The following DIAPH3 variants were observed in gnomAD, a reference collection of about 807,000 sequenced individuals.
The protein encoded by DIAPH3 is diaphanous related formin 3.
A neutral mutation model predicts 144.3 loss-of-function variants in DIAPH3; 117 were observed. The observed-to-expected ratio is 0.81, with a 90% CI of 0.70 to 0.95. The LOEUF is 0.95. DIAPH3 is among the 40% of genes least tolerant of loss of function. The pLI, the probability that DIAPH3 is intolerant of heterozygous loss-of-function variation, is 0.00. For missense variants in DIAPH3, 1,421 were observed against 1,412.7 expected (o/e 1.01, Z -0.09); for synonymous variants, 519 against 488.9 (o/e 1.06, Z -0.81).
intron 24 of DIAPH3, among the ~76,000 whole-genome samples, chr13:59,828,874 T>C (rs1376014995): frequency 1.3e-5 from 2 of 151,780 alleles, no homozygotes; most frequent in Non-Finnish European, 2.9e-5. Flanking sequence ...AGTCGATTGT[T>C]TAAAAAAAAA....
intron 27 of DIAPH3, among the ~76,000 whole-genome samples, chr13:59,754,787 T>A (rs1482412345): frequency 6.6e-6 from 1 of 152,164 alleles, no homozygotes; most frequent in East Asian, 1.9e-4. Context: ...CTACTATCAA[T>A]TTCTCATTTG....
intron 25 of DIAPH3, among the ~76,000 whole-genome samples, chr13:59,809,258 T>C (rs1237325965): frequency 6.6e-6 from 1 of 152,114 alleles, no homozygotes; most frequent in Non-Finnish European, 1.5e-5. Context: ...TCCCAGCACT[T>C]TGGGAGGCTG....
chr13:59,700,104 C>G (rs1167679541), intron 27 of DIAPH3, among the ~76,000 whole-genome samples: 1 of 152,204 alleles, frequency 6.6e-6, no homozygotes, highest in Non-Finnish European at 1.5e-5. Flanking sequence ...ACTTGCTTCT[C>G]TTTACATTCC....
chr13:59,898,134 CAAAAAA>C (rs34238599), intron 20 of DIAPH3, among the ~76,000 whole-genome samples: 1 of 72,196 alleles, frequency 1.4e-5, no homozygotes, highest in Non-Finnish European at 2.4e-5. Flanking sequence ...GACTCTGCCT[CAAAAAA>C]AAAAAAAAAA....
At chr13:59,874,533 C>T (rs756921949) in intron 21 of DIAPH3, among the ~76,000 whole-genome samples, 2 of 152,046 alleles carry the variant, frequency 1.3e-5, no homozygotes, top group South Asian at 2.1e-4. Flanking sequence ...ACCCCCTCAC[C>T]GTCTTAGCAC....
intron 17 of DIAPH3, among the ~76,000 whole-genome samples, chr13:59,932,807 C>A (rs531072084): frequency 6.6e-6 from 1 of 152,196 alleles, no homozygotes; most frequent in East Asian, 1.9e-4. Flanking sequence ...TACAAAGAAG[C>A]AGAACTGCCT....
At chr13:59,688,874 T>C (rs544805040) in intron 27 of DIAPH3, among the ~76,000 whole-genome samples, 1 of 152,168 alleles carries the variant, frequency 6.6e-6, no homozygotes, top group Non-Finnish European at 1.5e-5. Context: ...GATGAATATA[T>C]GAAGACAATG....
chr13:60,124,520 A>G (rs2058934631), intron 2 of DIAPH3, among the ~76,000 whole-genome samples: 2 of 152,190 alleles, frequency 1.3e-5, no homozygotes, highest in African/African-American at 4.8e-5. Flanking sequence ...CTTAGAAAAC[A>G]TCTTAGATAT....
intron 4 of DIAPH3, among the ~76,000 whole-genome samples, chr13:60,073,203 G>A (rs2057272942): frequency 6.6e-6 from 1 of 152,012 alleles, no homozygotes; most frequent in African/African-American, 2.4e-5. Flanking sequence ...CAGCTACTCA[G>A]GAGGCCGAGG....
chr13:60,007,522 C>T (rs1158315577), intron 9 of DIAPH3, among the ~76,000 whole-genome samples: 2 of 152,004 alleles, frequency 1.3e-5, no homozygotes, highest in Non-Finnish European at 2.9e-5. Flanking sequence ...AAGAGATTTA[C>T]TTCATATCTA....
intron 1 of DIAPH3, among the ~76,000 whole-genome samples, chr13:60,162,073 G>A (rs565440083): frequency 9.1e-4 from 139 of 152,166 alleles, no homozygotes; most frequent in East Asian, 3.1e-3. Context: ...TTTTAGATGT[G>A]TTTTTTACCT....
intron 4 of DIAPH3, among the ~76,000 whole-genome samples, chr13:60,052,629 C>T (rs1000678634): frequency 5.3e-5 from 8 of 152,092 alleles, no homozygotes; most frequent in Non-Finnish European, 1.2e-4. Flanking sequence ...ATCACTGTAA[C>T]ACCAATTCTT....
At chr13:59,977,693 A>C (rs1401251685) in intron 14 of DIAPH3, among the ~76,000 whole-genome samples, 1 of 151,764 alleles carries the variant, frequency 6.6e-6, no homozygotes, top group East Asian at 1.9e-4. Flanking sequence ...AAGACTACAG[A>C]ATCCAAAAAT....
At chr13:59,874,509 TA>T (rs2044482386) in intron 21 of DIAPH3, among the ~76,000 whole-genome samples, 1 of 152,136 alleles carries the variant, frequency 6.6e-6, no homozygotes, top group African/African-American at 2.4e-5. Context: ...TAGGAAAAAT[TA>T]ATTTTGCCTG....
At chr13:60,052,136 T>C (rs1317158699) in intron 4 of DIAPH3, among the ~76,000 whole-genome samples, 1 of 151,582 alleles carries the variant, frequency 6.6e-6, no homozygotes, top group East Asian at 1.9e-4. Context: ...TGTGTGAGAG[T>C]GAAGATCTGA....
intron 5 of DIAPH3, among the ~76,000 whole-genome samples, chr13:60,027,604 A>G (rs1008383512): frequency 2.0e-5 from 3 of 152,204 alleles, no homozygotes; most frequent in Non-Finnish European, 4.4e-5. Context: ...CCTTTAGATG[A>G]AAAAACAGTA....
intron 25 of DIAPH3, among the ~76,000 whole-genome samples, chr13:59,793,012 T>C (rs2039405074): frequency 6.6e-6 from 1 of 152,254 alleles, no homozygotes; most frequent in Admixed American, 6.5e-5. Context: ...TTTACATGCT[T>C]ACACACTTCA....
rs142820289 is a variant in DIAPH3 at position 60,132,476 on chromosome 13, T to C, written c.213+481A>G. 4.7e-4 allele frequency among the ~76,000 whole-genome samples: 72 copies of C among 152,316 alleles called. 1 individual carries two copies. In the East Asian group the frequency reaches 0.012, roughly 25 times the overall value. ...TATGCAAGAATCTACAATGGTGCTA[T>C]AAAGTGTTACTATGAGAAGCCCTAT... On this transcript the variant is annotated intron_variant, in intron 2 of 27. Transcript: ENST00000400324.
At chr13:59,998,745 G>C (rs985697957) in intron 9 of DIAPH3, among the ~76,000 whole-genome samples, 1 of 152,034 alleles carries the variant, frequency 6.6e-6, no homozygotes, top group Admixed American at 6.6e-5. Flanking sequence ...TAATATGGTT[G>C]ATGTTTTAAT....
Sources: gnomAD v4.1 joint callset for allele counts (sites outside exome capture counted in the v4.1 genomes callset) on GRCh38, gnomAD v4.1.1 for gene constraint, MANE v1.5 for transcripts, NCBI Gene and HGNC (gene_info 2026-07-23, HGNC 2026-07-21) for gene names.